Variants in NEGR1 observed in about 807,000 individuals in gnomAD.
NEGR1 encodes the protein neuronal growth regulator 1.
NEGR1 carries 10 observed loss-of-function variants against 40.9 expected under a neutral mutation model. The observed-to-expected ratio is 0.24, with a 90% CI of 0.15 to 0.42. The LOEUF (loss-of-function observed/expected upper bound fraction) is 0.42, where lower values mean the gene tolerates loss of function less well. NEGR1 is among the 10% of genes least tolerant of loss of function. The pLI is 1.00. For missense variants in NEGR1, 352 were observed against 438.9 expected, an observed-to-expected ratio of 0.80 and a Z score of 1.77; for synonymous variants, 185 against 166.8, an observed-to-expected ratio of 1.11 and a Z score of -0.84.
chr1:72,121,269 C>T (rs2821241), intron 1 of NEGR1, among the ~76,000 whole-genome samples: 148,781 of 152,094 alleles, frequency 0.98, 72,789 homozygotes, highest in Middle Eastern at 1. Flanking sequence ...TTTAATATCA[C>T]TGAACATTTT....
At chr1:72,091,048 C>T (rs1233178747) in intron 1 of NEGR1, among the ~76,000 whole-genome samples, 1 of 151,982 alleles carries the variant, frequency 6.6e-6, no homozygotes, top group African/African-American at 2.4e-5. Context: ...GATGATTTTT[C>T]AAATTTATTA....
chr1:72,029,654 C>T (rs1450900775), intron 1 of NEGR1, among the ~76,000 whole-genome samples: 2 of 152,116 alleles, frequency 1.3e-5, no homozygotes, highest in African/African-American at 2.4e-5. Context: ...ATTATTCGAA[C>T]TTTTACATTG....
rs181250237 is a variant in NEGR1 at position 72,244,499 on chromosome 1, A to C, written c.176+37820T>G. On this transcript the variant is annotated intron_variant, in intron 1 of 6. Transcript: ENST00000357731. ...AAAACATGTATATATGTATGTAAACACACACATATATACATATTGTTTATG... is the reference window on the plus strand; with the variant it reads ...AAAACATGTATATATGTATGTAAACCCACACATATATACATATTGTTTATG... 6.5e-4 allele frequency among the ~76,000 whole-genome samples: 99 copies of C among 152,096 alleles called. 3 individuals carry two copies. In the East Asian group the frequency reaches 0.018, roughly 27 times the overall value.
At chr1:71,724,855 T>G (rs78032349) in intron 3 of NEGR1, among the ~76,000 whole-genome samples, 1,566 of 152,208 alleles carry the variant, frequency 0.01, 21 homozygotes, top group Non-Finnish European at 0.019. Context: ...CTTTTTCTTG[T>G]GATCTCTAAC....
chr1:71,756,394 C>CAAAAAAAAAAA (rs1293104436), intron 3 of NEGR1, among the ~76,000 whole-genome samples: 1 of 58,556 alleles, frequency 1.7e-5, no homozygotes, highest in African/African-American at 6.6e-5. Flanking sequence ...CTCAAAAAAA[C>CAAAAAAAAAAA]AAAAAACAAA....
At chr1:72,088,697 T>G (rs1648323620) in intron 1 of NEGR1, among the ~76,000 whole-genome samples, 1 of 152,126 alleles carries the variant, frequency 6.6e-6, no homozygotes, top group Non-Finnish European at 1.5e-5. Context: ...ATATACAGTT[T>G]TAAAGACACT....
rs563463392 is a variant in NEGR1, at chr1:72,037,025, T to C, written c.177-101714A>G. The stretch of plus-strand genomic sequence containing the variant: ...TTAGACACTTGTCAGATCTATTTGA[T>C]GGAACAAAGTTAATAATTGTACTTG... On this transcript the variant is annotated intron_variant, in intron 1 of 6. Coordinates refer to ENST00000357731, the MANE Select transcript of NEGR1 (RefSeq NM_173808.3). Among the ~76,000 whole-genome samples the C allele has an allele frequency of 2.6e-4, 40 of 152,240 alleles. No individual in the cohort carries two copies. In the South Asian group the frequency reaches 7.2e-3, roughly 28 times the overall value.
chr1:72,120,238 C>T (rs1182426288), intron 1 of NEGR1, among the ~76,000 whole-genome samples: 2 of 151,764 alleles, frequency 1.3e-5, no homozygotes. Flanking sequence ...AACATGTTTT[C>T]CTCAAATCCA....
chr1:71,869,140 T>C (rs1052580767), intron 2 of NEGR1, among the ~76,000 whole-genome samples: 21 of 152,320 alleles, frequency 1.4e-4, no homozygotes, highest in Non-Finnish European at 2.4e-4. Flanking sequence ...GACTTATTCA[T>C]AGATTAATAT....
intron 6 of NEGR1, among the ~76,000 whole-genome samples, chr1:71,548,236 C>T (rs1647965284): frequency 6.6e-6 from 1 of 151,684 alleles, no homozygotes; most frequent in South Asian, 2.1e-4. Flanking sequence ...CAAAACATAA[C>T]TAATACAGCT....
rs117069985 is a variant in NEGR1, at chr1:72,198,137, C to T, written c.176+84182G>A. On this transcript the variant is annotated intron_variant, in intron 1 of 6. Coordinates refer to ENST00000357731, the MANE Select transcript of NEGR1 (RefSeq NM_173808.3). ...TCCTGTGGAACTGAAAAGGTACCTT[C>T]ACTTTTTAGACGGTTGCCCAAAATA... Among the ~76,000 whole-genome samples, 84 of 152,110 alleles carry T rather than the reference C, an allele frequency of 5.5e-4. 1 individual carries two copies. The East Asian group carries it at 0.012, about 22-fold the overall frequency.
At chr1:72,041,326 T>C (rs1646952124) in intron 1 of NEGR1, among the ~76,000 whole-genome samples, 1 of 152,014 alleles carries the variant, frequency 6.6e-6, no homozygotes, top group African/African-American at 2.4e-5. Flanking sequence ...TAATGCTCGG[T>C]TAATATATAG....
intron 1 of NEGR1, among the ~76,000 whole-genome samples, chr1:72,056,582 G>A (rs1017951957): frequency 2.0e-5 from 3 of 151,270 alleles, no homozygotes; most frequent in African/African-American, 7.3e-5. Flanking sequence ...TCATCAAAGG[G>A]ATATGAATAT....
chr1:71,913,289 A>T (rs1314492951), intron 2 of NEGR1, among the ~76,000 whole-genome samples: 1 of 151,634 alleles, frequency 6.6e-6, no homozygotes, highest in African/African-American at 2.4e-5. Flanking sequence ...TAATTTTTTT[A>T]TTTTTAGTAG....
chr1:72,175,284 G>A (rs1652125306), intron 1 of NEGR1, among the ~76,000 whole-genome samples: 1 of 152,106 alleles, frequency 6.6e-6, no homozygotes, highest in South Asian at 2.1e-4. Flanking sequence ...TAGTTTATAA[G>A]TGGATTCAGG....
intron 1 of NEGR1, among the ~76,000 whole-genome samples, chr1:72,107,023 G>A (rs1649160252): frequency 6.6e-6 from 1 of 151,716 alleles, no homozygotes; most frequent in Admixed American, 6.6e-5. Flanking sequence ...CAATTTTTCA[G>A]ATGAGAAAAT....
chr1:71,724,283 C>T (rs1026061920), intron 3 of NEGR1, among the ~76,000 whole-genome samples: 5 of 152,020 alleles, frequency 3.3e-5, no homozygotes, highest in African/African-American at 7.2e-5. Flanking sequence ...CACCATACAT[C>T]GTAGTTTTTA....
chr1:71,973,576 T>C (rs1646276827), intron 1 of NEGR1, among the ~76,000 whole-genome samples: 1 of 152,188 alleles, frequency 6.6e-6, no homozygotes, highest in Non-Finnish European at 1.5e-5. Context: ...AAACATTTCA[T>C]TAAAATATTT....
rs576344350 is a variant in NEGR1, at chr1:71,698,206, T to A, written c.536-67A>T. The stretch of plus-strand genomic sequence containing the variant: ...GGCTTCATTCAAGTAAAACAACAAT[T>A]TCATGACTTCCTACAAGATACTGCT... On this transcript the variant is annotated intron_variant, in intron 3 of 6. Coordinates refer to ENST00000357731, the MANE Select transcript of NEGR1 (RefSeq NM_173808.3). 5.2e-4 allele frequency: 729 copies of A among 1,393,292 alleles called. 5 individuals carry two copies. In the Middle Eastern group the frequency reaches 0.021, roughly 40 times the overall value. The allele number at this position is 1,393,292 out of a possible 1,614,324, so 86.3% of individuals were successfully genotyped here. A position where few individuals can be genotyped will look rare whatever the true frequency, so the allele number is the denominator to read the frequency against.
Sources: allele counts gnomAD v4.1 joint callset (sites outside exome capture counted in the v4.1 genomes callset), GRCh38; gene constraint gnomAD v4.1.1; transcripts MANE v1.5; gene names NCBI Gene and HGNC (gene_info 2026-07-23, HGNC 2026-07-21).